Variants in GC observed in about 807,000 individuals in gnomAD.
GC encodes the protein GC vitamin D binding protein, also known as vitamin D-binding protein.
GC carries 43 observed loss-of-function variants against 56.7 expected under a neutral mutation model. That is an observed-to-expected ratio of 0.76 (90% CI 0.59 to 0.98). The LOEUF (loss-of-function observed/expected upper bound fraction) is 0.98, where lower values mean the gene tolerates loss of function less well. GC is among the 50% of genes least tolerant of loss of function. GC has a pLI of 0.00. For synonymous variants in GC, 216 were observed against 202.7 expected (o/e 1.07, Z -0.56); for missense variants, 529 against 545.9 (o/e 0.97, Z 0.31).
chr4:71,803,992 G>T, exon 1 of GC: 5 of 1,237,858 alleles, frequency 4.0e-6, no homozygotes, highest in Non-Finnish European at 4.6e-6. Context: ...TGGTAGAATA[G>T]GTAGATATCA....
At chr4:71,747,567 A>G (rs1741414607) in intron 11 of GC, among the ~76,000 whole-genome samples, 1 of 152,150 alleles carries the variant, frequency 6.6e-6, no homozygotes, top group Non-Finnish European at 1.5e-5. Flanking sequence ...AGAATTGAAA[A>G]ATGTTTATTA....
intron 3 of GC, among the ~76,000 whole-genome samples, chr4:71,766,340 T>C (rs1220716066): frequency 6.6e-6 from 1 of 152,184 alleles, no homozygotes; most frequent in Middle Eastern, 3.2e-3. Flanking sequence ...CAGTGTAGGT[T>C]GAAAACCACT....
At chr4:71,797,749 C>T (rs570308936) in intron 1 of GC, among the ~76,000 whole-genome samples, 7 of 152,334 alleles carry the variant, frequency 4.6e-5, no homozygotes, top group South Asian at 4.1e-4. Flanking sequence ...CTGTCTTCTG[C>T]GTCAATCACA....
intron 6 of GC, among the ~76,000 whole-genome samples, chr4:71,758,492 A>C (rs1207699218): frequency 6.6e-6 from 1 of 152,226 alleles, no homozygotes; most frequent in Non-Finnish European, 1.5e-5. Flanking sequence ...CTTTCTATTC[A>C]TAAGGCCAAT....
At chr4:71,794,485 G>T (rs534509917) in intron 1 of GC, among the ~76,000 whole-genome samples, 1 of 152,254 alleles carries the variant, frequency 6.6e-6, no homozygotes, top group Non-Finnish European at 1.5e-5. Flanking sequence ...TTGTATTTCT[G>T]TGGGATTGGT....
chr4:71,745,960 A>T (rs1042726317), intron 12 of GC, among the ~76,000 whole-genome samples, 191 bp downstream of exon 12: 1 of 152,050 alleles, frequency 6.6e-6, no homozygotes, highest in African/African-American at 2.4e-5. Context: ...AGTCTTACAT[A>T]TATCAGAAAT....
At position 71,757,516 on chromosome 4, in the gene GC, T is replaced by C. The variant is rs565989852; in HGVS notation, c.831+526A>G. Among the ~76,000 whole-genome samples the C allele has an allele frequency of 1.3e-3, 201 of 152,198 alleles. 1 individual carries two copies. Among genetic ancestry groups the C allele is most frequent in the African/African-American group, 4.7e-3 (196 of 41,534 alleles). Reference sequence around the variant, plus strand: ...ATGGTAAAAAAAATTGAGATGGGCATCAAATTATAAAAAGTATAATAAAAA... The same window carrying C: ...ATGGTAAAAAAAATTGAGATGGGCACCAAATTATAAAAAGTATAATAAAAA... On this transcript the variant is annotated intron_variant, in intron 7 of 12. Transcript: ENST00000273951.
intron 1 of GC, among the ~76,000 whole-genome samples, chr4:71,774,986 A>G (rs1233295554): frequency 6.7e-6 from 1 of 149,726 alleles, no homozygotes; most frequent in African/African-American, 2.4e-5. Flanking sequence ...TTTGACTATC[A>G]GTCCTGGAAA....
At chr4:71,777,400 A>G (rs1002280570) in intron 1 of GC, among the ~76,000 whole-genome samples, 1 of 151,618 alleles carries the variant, frequency 6.6e-6, no homozygotes, top group Non-Finnish European at 1.5e-5. Flanking sequence ...AAATAAATTA[A>G]TAATGAGCTT....
At chr4:71,764,024 C>T in intron 4 of GC, 88 bp from the exon 5 acceptor site, 1 of 1,014,374 alleles carries the variant, frequency 9.9e-7, no homozygotes, top group Non-Finnish European at 1.5e-6. Context: ...GCCCTGTCAT[C>T]TAGGCTGGAG....
At chr4:71,786,495 A>G (rs142441851), upstream of GC, among the ~76,000 whole-genome samples, 1,366 of 151,954 alleles carry the variant, frequency 9.0e-3, 10 homozygotes, top group African/African-American at 0.031. Context: ...TTTAACAAGA[A>G]TTATTTATTG....
intron 3 of GC, among the ~76,000 whole-genome samples, chr4:71,766,568 T>C (rs114236845): frequency 3.3e-4 from 50 of 152,332 alleles, no homozygotes; most frequent in Non-Finnish European, 5.6e-4. Context: ...TACTTTGACA[T>C]TCTTATACTT....
intron 1 of GC, among the ~76,000 whole-genome samples, chr4:71,794,101 A>G (rs1743035569): frequency 6.6e-6 from 1 of 152,154 alleles, no homozygotes; most frequent in African/African-American, 2.4e-5. Context: ...CATCAGGGAT[A>G]TTGGTCTAAA....
chr4:71,777,313 C>G (rs2149304859), intron 1 of GC, among the ~76,000 whole-genome samples: 1 of 151,684 alleles, frequency 6.6e-6, no homozygotes, highest in East Asian at 2.0e-4. Flanking sequence ...TTGTGTTAAC[C>G]ATTGTGATAT....
At chr4:71,794,632 A>G (rs1328250347) in intron 1 of GC, among the ~76,000 whole-genome samples, 1 of 151,936 alleles carries the variant, frequency 6.6e-6, no homozygotes, top group Non-Finnish European at 1.5e-5. Flanking sequence ...GATTTTTTGA[A>G]GGGTTTTTTT....
At chr4:71,793,888 GC>G (rs1304105100) in intron 1 of GC, among the ~76,000 whole-genome samples, 1 of 152,154 alleles carries the variant, frequency 6.6e-6, no homozygotes, top group African/African-American at 2.4e-5. Flanking sequence ...TTTGTCAAAT[GC>G]CTTTTCTGCA....
At chr4:71,753,391 AG>A (rs1418794205) in intron 10 of GC, among the ~76,000 whole-genome samples, 2 of 151,736 alleles carry the variant, frequency 1.3e-5, no homozygotes, top group Non-Finnish European at 2.9e-5. Context: ...CAAAAGGGTA[AG>A]GGGGACCAGT....
At chr4:71,774,091 A>G (rs953869704) in intron 1 of GC, among the ~76,000 whole-genome samples, 56 of 152,118 alleles carry the variant, frequency 3.7e-4, no homozygotes, top group African/African-American at 1.2e-3. Context: ...CCAATGAAAA[A>G]GTTTGAGCTT....
At position 71,801,090 on chromosome 4, in the gene GC, C is replaced by T. The variant is rs374052003; in HGVS notation, c.21+2836G>A. 7.9e-5 allele frequency among the ~76,000 whole-genome samples: 12 copies of T among 152,156 alleles called. 1 individual carries two copies. Among genetic ancestry groups the T allele is most frequent in the East Asian group, 7.7e-4 (4 of 5,174 alleles). On this transcript the variant is annotated intron_variant, in intron 1 of 13. Transcript: ENST00000504199. ...ATATTTGCAAGTCATATATGATAAG[C>T]GCCTCATATCCAGAAGAGAGAACTC... is the stretch of plus-strand genomic sequence containing the variant.
Sources: gnomAD v4.1 joint callset for allele counts (sites outside exome capture counted in the v4.1 genomes callset) on GRCh38, gnomAD v4.1.1 for gene constraint, MANE v1.5 for transcripts, NCBI Gene and HGNC (gene_info 2026-07-23, HGNC 2026-07-21) for gene names.